RBFOX1: variants seen among roughly 807,000 people sequenced by gnomAD.
RBFOX1 encodes the protein RNA binding fox-1 homolog 1.
RBFOX1 carries 8 observed loss-of-function variants against 57.7 expected under a neutral mutation model. The observed-to-expected ratio is 0.14, with a 90% CI of 0.08 to 0.25. The LOEUF (loss-of-function observed/expected upper bound fraction) is 0.25. Among genes scored for constraint, RBFOX1 ranks in the 10% least tolerant of loss-of-function variants. The pLI is 1.00. For synonymous variants in RBFOX1, 326 were observed against 222.4 expected (o/e 1.47, Z -4.15); for missense variants, 611 against 548.5 (o/e 1.11, Z -1.14).
At chr16:7,040,737 T>A (rs1391828449) in intron 3 of RBFOX1, among the ~76,000 whole-genome samples, 1 of 152,260 alleles carries the variant, frequency 6.6e-6, no homozygotes, top group Non-Finnish European at 1.5e-5. Context: ...AAAATGATTT[T>A]AACTTGCTTT....
At chr16:6,909,867 C>G (rs188336515) in intron 3 of RBFOX1, among the ~76,000 whole-genome samples, 13 of 152,244 alleles carry the variant, frequency 8.5e-5, no homozygotes, top group South Asian at 2.1e-4. Context: ...CCTCGTGTGA[C>G]TGAATTTGCC....
intron 2 of RBFOX1, among the ~76,000 whole-genome samples, chr16:6,568,355 C>G (rs1048506804): frequency 2.6e-5 from 4 of 152,132 alleles, no homozygotes; most frequent in African/African-American, 9.7e-5. Context: ...CCACATGGGC[C>G]TCTTTACAGG....
At chr16:5,854,563 C>A (rs1455752663) in intron 3 of RBFOX1, among the ~76,000 whole-genome samples, 1 of 142,794 alleles carries the variant, frequency 7.0e-6, no homozygotes, top group Non-Finnish European at 1.5e-5. Flanking sequence ...TCTTACCCCC[C>A]CCACACACAA....
At chr16:6,546,296 C>A (rs1016722989) in intron 2 of RBFOX1, among the ~76,000 whole-genome samples, 8 of 152,172 alleles carry the variant, frequency 5.3e-5, no homozygotes, top group African/African-American at 1.9e-4. Context: ...TAAGCTCTTC[C>A]TTGCCTAATC....
rs573205853 is a variant in RBFOX1, at chr16:7,634,796, C to T, written c.757+4113C>T. ...ACAGGTCATCATGCATCCTCTTACA[C>T]GTCCTAATAAACTACTCTCATCCAG... On this transcript the variant is annotated intron_variant, in intron 11 of 15. Transcript: ENST00000550418. Among the ~76,000 whole-genome samples the T allele has an allele frequency of 2.6e-5, 4 of 152,308 alleles. No homozygotes were observed. The South Asian group carries it at 6.2e-4, about 24-fold the overall frequency.
Position 6,916,919 on chromosome 16 carries a change from G to T in RBFOX1, c.-15-135138G>T, listed in dbSNP as rs556841139. On this transcript the variant is annotated intron_variant, in intron 3 of 15. Coordinates refer to ENST00000550418, the MANE Select transcript of RBFOX1 (RefSeq NM_018723.4). ...GGCTAGAGTGCAGTGACATAATCTC[G>T]GCTCACTGCAACCTCCACCTTCCAG... 1.4e-3 allele frequency among the ~76,000 whole-genome samples: 206 copies of T among 152,042 alleles called. 1 individual carries two copies. The highest frequency in any genetic ancestry group is 2.5e-3 in the Non-Finnish European group (168 of 67,982).
chr16:6,900,071 C>T (rs1038807987), intron 3 of RBFOX1, among the ~76,000 whole-genome samples: 1 of 152,048 alleles, frequency 6.6e-6, no homozygotes, highest in African/African-American at 2.4e-5. Context: ...AGTTAATACT[C>T]ATAAAATGCT....
intron 3 of RBFOX1, among the ~76,000 whole-genome samples, chr16:5,845,137 G>A (rs975769784): frequency 1.3e-5 from 2 of 148,942 alleles, no homozygotes; most frequent in African/African-American, 5.0e-5. Context: ...AATCCCTTAA[G>A]CTTTAATTAA....
chr16:7,539,970 T>A (rs2082484282), intron 5 of RBFOX1, among the ~76,000 whole-genome samples: 1 of 152,246 alleles, frequency 6.6e-6, no homozygotes, highest in African/African-American at 2.4e-5. Flanking sequence ...ATTCACTGCA[T>A]GACTTTGGGA....
chr16:5,269,182 G>A (rs1462274764), intron 1 of RBFOX1, among the ~76,000 whole-genome samples: 1 of 152,250 alleles, frequency 6.6e-6, no homozygotes, highest in African/African-American at 2.4e-5. Context: ...CTCCCAAAGT[G>A]CTGGGATTAC....
At position 7,021,208 on chromosome 16, in the gene RBFOX1, C is replaced by T. The variant is rs1036738956; in HGVS notation, c.-15-30849C>T. ...AAACTTGTCTCTTCTCAGTTAGTTG[C>T]TGAGTAAATTGTTGTTTCTTATGTG... is the stretch of plus-strand genomic sequence containing the variant. On this transcript the variant is annotated intron_variant, in intron 3 of 15. Coordinates refer to ENST00000550418, the MANE Select transcript of RBFOX1 (RefSeq NM_018723.4). 2.0e-5 allele frequency among the ~76,000 whole-genome samples: 3 copies of T among 152,048 alleles called. No homozygotes were observed. In the South Asian group the frequency reaches 6.2e-4, roughly 32 times the overall value.
At chr16:6,862,745 A>G (rs1469923559) in intron 3 of RBFOX1, among the ~76,000 whole-genome samples, 1 of 152,112 alleles carries the variant, frequency 6.6e-6, no homozygotes, top group Non-Finnish European at 1.5e-5. Context: ...GGCGCTTTGT[A>G]AGGCCGAGGC....
At chr16:6,874,087 A>C (rs553582554) in intron 3 of RBFOX1, 1 of 152,226 alleles carries the variant, frequency 6.6e-6, no homozygotes. Flanking sequence ...TTGCACATGC[A>C]TGTTTATAGC....
intron 3 of RBFOX1, among the ~76,000 whole-genome samples, chr16:6,839,813 T>C (rs2141390796): frequency 6.6e-6 from 1 of 152,356 alleles, no homozygotes; most frequent in East Asian, 1.9e-4. Flanking sequence ...ATCATAGCAC[T>C]TCGTGTACTC....
At chr16:6,359,243 C>T (rs1283564392) in intron 2 of RBFOX1, among the ~76,000 whole-genome samples, 1 of 152,066 alleles carries the variant, frequency 6.6e-6, no homozygotes, top group Non-Finnish European at 1.5e-5. Flanking sequence ...CGGGTGTGTA[C>T]CACCAGGCCT....
At chr16:5,368,639 T>G (rs1005796551) in intron 1 of RBFOX1, among the ~76,000 whole-genome samples, 3 of 152,184 alleles carry the variant, frequency 2.0e-5, no homozygotes, top group Non-Finnish European at 4.4e-5. Flanking sequence ...ATTTCTGAGC[T>G]CTTTAAGAAT....
rs116836272 is a variant in RBFOX1, at chr16:6,675,899, A to G, written c.-16+21249A>G. Among the ~76,000 whole-genome samples the G allele has an allele frequency of 4.8e-3, 719 of 150,910 alleles. 8 individuals carry two copies. The highest frequency in any genetic ancestry group is 0.016 in the African/African-American group (674 of 41,280). On this transcript the variant is annotated intron_variant, in intron 3 of 15. Transcript: ENST00000550418. Reference sequence around the variant, plus strand: ...ATTTGGGTGAGGACCCAGTGAAACCATATCACATGGGATGTGGTATTTGTC... The same window carrying G: ...ATTTGGGTGAGGACCCAGTGAAACCGTATCACATGGGATGTGGTATTTGTC...
At chr16:6,500,505 C>G (rs1229135965) in intron 2 of RBFOX1, among the ~76,000 whole-genome samples, 2 of 152,196 alleles carry the variant, frequency 1.3e-5, no homozygotes, top group African/African-American at 2.4e-5. Context: ...CACAGATCAA[C>G]TTTTGCAGAA....
intron 3 of RBFOX1, among the ~76,000 whole-genome samples, chr16:6,935,593 C>G (rs189137768): frequency 3.5e-4 from 53 of 152,266 alleles, no homozygotes; most frequent in African/African-American, 1.2e-3. Flanking sequence ...AATCTGTGAC[C>G]TATCCCCATT....
Sources: allele counts gnomAD v4.1 joint callset (sites outside exome capture counted in the v4.1 genomes callset), GRCh38; gene constraint gnomAD v4.1.1; transcripts MANE v1.5; gene names NCBI Gene and HGNC (gene_info 2026-07-23, HGNC 2026-07-21).